The following RRN3 variants were observed in gnomAD, a reference collection of about 807,000 sequenced individuals.
The protein encoded by RRN3 is RNA polymerase I-specific transcription initiation factor RRN3.
A neutral mutation model predicts 82.3 loss-of-function variants in RRN3; 38 were observed. That is an observed-to-expected ratio of 0.46 (90% CI 0.36 to 0.61). The LOEUF (loss-of-function observed/expected upper bound fraction) is 0.61, where lower values mean the gene tolerates loss of function less well. Among genes scored for constraint, RRN3 ranks in the 20% least tolerant of loss-of-function variants. The pLI is 0.00. For synonymous variants in RRN3, 284 were observed against 284.3 expected (o/e 1.00, Z 0.01); for missense variants, 726 against 793.1 (o/e 0.92, Z 1.02).
intron 8 of RRN3, among the ~76,000 whole-genome samples, chr16:15,081,032 T>G (rs1305542279): frequency 2.6e-5 from 4 of 152,250 alleles, no homozygotes; most frequent in Non-Finnish European, 5.9e-5. Flanking sequence ...GGCATGTTTT[T>G]AGGGTCCAAT....
chr16:15,078,435 T>C (rs1185607014), intron 9 of RRN3, among the ~76,000 whole-genome samples: 1 of 151,800 alleles, frequency 6.6e-6, no homozygotes, highest in Non-Finnish European at 1.5e-5. Context: ...ACCATCCACA[T>C]CCTCTCCCGA....
intron 9 of RRN3, among the ~76,000 whole-genome samples, chr16:15,079,094 G>C (rs2045588157): frequency 6.6e-6 from 1 of 152,118 alleles, no homozygotes; most frequent in African/African-American, 2.4e-5. Context: ...ACATGCGTGA[G>C]CCACCACGCC....
chr16:15,063,288 C>T lies in RRN3; in HGVS notation c.1707-5G>A, dbSNP rs748963619. ...GGATCAATGAATTTCTTTGACCTGT[C>T]AACAAAGATCACATTTCAAAGTCAA... On this transcript the variant is annotated splice_region_variant and splice_polypyrimidine_tract_variant and intron_variant, in intron 16 of 17. Coordinates refer to ENST00000198767, the MANE Select transcript of RRN3 (RefSeq NM_018427.5). 3.7e-6 allele frequency: 6 copies of T among 1,602,252 alleles called. No individual in the cohort carries two copies. Among genetic ancestry groups the T allele is most frequent in the Middle Eastern group, 1.7e-4 (1 of 6,038 alleles).
chr16:15,072,058 C>G (rs2045255285), intron 12 of RRN3, among the ~76,000 whole-genome samples: 1 of 152,066 alleles, frequency 6.6e-6, no homozygotes. Context: ...TGGAAAAAAA[C>G]AGACACAGCT....
intron 10 of RRN3, 123 bp downstream of exon 10, chr16:15,076,435 T>C: frequency 1.3e-6 from 1 of 745,542 alleles, no homozygotes; most frequent in Non-Finnish European, 2.4e-6. Flanking sequence ...TAAGGAATCG[T>C]TTTCAAGTTT....
At chr16:15,092,180 A>G (rs2046159242) in intron 2 of RRN3, among the ~76,000 whole-genome samples, 1 of 152,086 alleles carries the variant, frequency 6.6e-6, no homozygotes. Context: ...CTCCAGCACA[A>G]ATAAATAAAT....
At chr16:15,077,072 C>A (rs1055851525) in intron 9 of RRN3, among the ~76,000 whole-genome samples, 12 of 151,900 alleles carry the variant, frequency 7.9e-5, no homozygotes, top group African/African-American at 2.9e-4. Context: ...CTCCGCCCCC[C>A]AGGTTCAAGA....
intron 12 of RRN3, 122 bp from the exon 13 acceptor site, chr16:15,071,373 A>T: frequency 1.1e-6 from 1 of 897,962 alleles, no homozygotes; most frequent in Non-Finnish European, 1.7e-6. Flanking sequence ...TAACTATCTC[A>T]TGGGCTTCAT....
intron 3 of RRN3, 96 bp from the exon 4 acceptor site, chr16:15,086,550 T>G (rs2941270): frequency 6.5e-7 from 1 of 1,545,914 alleles, no homozygotes; most frequent in South Asian, 1.2e-5. Flanking sequence ...AAGAATAGGT[T>G]GGGGGGAAAA....
intron 10 of RRN3, among the ~76,000 whole-genome samples, 195 bp from the exon 11 acceptor site, chr16:15,075,056 C>T (rs2151786926): frequency 1.3e-5 from 2 of 152,082 alleles, no homozygotes; most frequent in Admixed American, 1.3e-4. Context: ...TTGAGACCAG[C>T]CTGGCCAACA....
Position 15,061,736 on chromosome 16 carries a change from T to C in RRN3, c.*8A>G. The C allele has an allele frequency of 6.2e-7, 1 of 1,601,946 alleles. No individual in the cohort carries two copies. Among genetic ancestry groups the C allele is most frequent in the Non-Finnish European group, 8.5e-7 (1 of 1,170,138 alleles). On this transcript the variant is annotated 3_prime_UTR_variant, in exon 18 of 18. Coordinates refer to ENST00000198767, the MANE Select transcript of RRN3 (RefSeq NM_018427.5). Reference sequence around the variant, plus strand: ...CAAATGTCACATCTCAGTCACAAATTTCTGCCGTCAGAGGGGACTGGGTTG... The same window carrying C: ...CAAATGTCACATCTCAGTCACAAATCTCTGCCGTCAGAGGGGACTGGGTTG...
chr16:15,069,189 C>T (rs542599716), intron 14 of RRN3, among the ~76,000 whole-genome samples: 9 of 152,274 alleles, frequency 5.9e-5, no homozygotes, highest in Admixed American at 4.6e-4. Flanking sequence ...GGACACCTGG[C>T]AGTATCTGGA....
intron 9 of RRN3, among the ~76,000 whole-genome samples, chr16:15,078,972 C>T (rs200041596): frequency 5.9e-5 from 9 of 151,486 alleles, no homozygotes; most frequent in African/African-American, 1.5e-4. Flanking sequence ...CCACCATACC[C>T]GGCCAATTTT....
chr16:15,080,087 C>G lies in RRN3; in HGVS notation c.676G>C (p.Val226Leu). ...ACACTAATCCTTAGTAAGTTATGAACGTAACATTCCTAAAGGAGAAAATGT... is the reference window on the plus strand; with the variant it reads ...ACACTAATCCTTAGTAAGTTATGAAGGTAACATTCCTAAAGGAGAAAATGT... Reference protein sequence around the residue: ...RKSERTLECYVHNLLRISVYF... With the variant: ...RKSERTLECYLHNLLRISVYF... Residue 226 changes from valine to leucine, a missense_variant, in exon 9 of 18, where the codon GTT becomes CTT. Transcript: ENST00000198767. The G allele has an allele frequency of 6.3e-7, 1 of 1,595,990 alleles. No homozygotes were observed. The highest frequency in any genetic ancestry group is 8.5e-7 in the Non-Finnish European group (1 of 1,172,090).
chr16:15,077,213 AGGTGATCCACC>A (rs1476662584), intron 9 of RRN3, among the ~76,000 whole-genome samples: 1 of 151,914 alleles, frequency 6.6e-6, no homozygotes, highest in Non-Finnish European at 1.5e-5. Flanking sequence ...TCCTGACCTC[AGGTGATCCACC>A]GGCCTCAGCT....
At chr16:15,065,538 C>T (rs1271181586) in intron 15 of RRN3, among the ~76,000 whole-genome samples, 167 bp from the exon 16 acceptor site, 2 of 151,970 alleles carry the variant, frequency 1.3e-5, no homozygotes, top group African/African-American at 2.4e-5. Context: ...TTTAGGGTAC[C>T]GTTCTATGGG....
intron 1 of RRN3, 143 bp downstream of exon 1, chr16:15,094,002 T>C (rs1214135881): frequency 2.7e-6 from 2 of 733,646 alleles, no homozygotes; most frequent in African/African-American, 1.8e-5. Context: ...AATGAGCTCA[T>C]TTCTGTGAAC....
At position 15,065,218 on chromosome 16, in the gene RRN3, C is replaced by T; in HGVS notation, c.1706+1G>A. On this transcript the variant is annotated splice_donor_variant, in intron 16 of 17. Coordinates refer to ENST00000198767, the MANE Select transcript of RRN3 (RefSeq NM_018427.5). LOFTEE classifies it high-confidence loss of function. ...CAGCGTCAATGTTTAAAAGTACCTA[C>T]CTCTTCAGCACACAGGGATCAAAGG... The T allele has an allele frequency of 1.9e-6, 3 of 1,604,620 alleles. No homozygotes were observed. The highest frequency in any genetic ancestry group is 2.5e-6 in the Non-Finnish European group (3 of 1,176,486).
At chr16:15,073,280 G>T (rs2045314988) in intron 11 of RRN3, among the ~76,000 whole-genome samples, 200 bp from the exon 12 acceptor site, 1 of 152,164 alleles carries the variant, frequency 6.6e-6, no homozygotes, top group South Asian at 2.1e-4. Flanking sequence ...GGAACACAGG[G>T]AAGCTCTGTC....
Sources: allele counts gnomAD v4.1 joint callset (sites outside exome capture counted in the v4.1 genomes callset), GRCh38; gene constraint gnomAD v4.1.1; transcripts MANE v1.5; gene names NCBI Gene and HGNC (gene_info 2026-07-23, HGNC 2026-07-21).